Variants in MTERF3 observed in about 807,000 individuals in gnomAD.
MTERF3 encodes transcription termination factor 3, mitochondrial.
MTERF3 carries 40 observed loss-of-function variants against 40.5 expected under a neutral mutation model. The ratio of observed to expected loss-of-function variants is 0.99; its 90% CI spans 0.77 to 1.29. MTERF3 has a LOEUF of 1.29. Ranked by LOEUF, MTERF3 falls within the 50% of genes most tolerant of loss-of-function variation. The probability of loss-of-function intolerance (pLI) is 0.00; values close to 1 mark genes in which losing one functional copy is unlikely to be tolerated. For synonymous variants in MTERF3, 158 were observed against 166.6 expected, an observed-to-expected ratio of 0.95 and a Z score of 0.40; for missense variants, 452 against 478.2, an observed-to-expected ratio of 0.95 and a Z score of 0.51.
intron 2 of MTERF3, 82 bp from the exon 3 acceptor site, chr8:96,257,196 C>T (rs1586173384): frequency 7.3e-7 from 1 of 1,378,856 alleles, no homozygotes; most frequent in Non-Finnish European, 9.7e-7. Flanking sequence ...CCCTTGTTTG[C>T]TTCTTTCAGT....
At chr8:96,245,107 A>T (rs1347168631) in intron 6 of MTERF3, among the ~76,000 whole-genome samples, 1 of 152,070 alleles carries the variant, frequency 6.6e-6, no homozygotes, top group African/African-American at 2.4e-5. Flanking sequence ...GCCCCCACCA[A>T]GTAACTGCCC....
At chr8:96,255,431 G>C (rs891304414) in intron 3 of MTERF3, among the ~76,000 whole-genome samples, 1 of 152,158 alleles carries the variant, frequency 6.6e-6, no homozygotes, top group Non-Finnish European at 1.5e-5. Flanking sequence ...TTGAGGCCAA[G>C]AGTTCAAGAT....
chr8:96,246,019 T>A, intron 5 of MTERF3, 88 bp from the exon 6 acceptor site: 1 of 1,220,536 alleles, frequency 8.2e-7, no homozygotes, highest in Non-Finnish European at 1.2e-6. Context: ...GATACAAAGT[T>A]AAAACTTAAA....
At chr8:96,250,852 A>G in intron 4 of MTERF3, 54 bp downstream of exon 4, 1 of 1,503,420 alleles carries the variant, frequency 6.7e-7, no homozygotes, top group Non-Finnish European at 9.0e-7. Context: ...TTCCACATAT[A>G]TTTCCTTCAT....
intron 4 of MTERF3, 28 bp downstream of exon 4, chr8:96,250,878 T>C: frequency 6.3e-7 from 1 of 1,577,272 alleles, no homozygotes; most frequent in Non-Finnish European, 8.6e-7. Flanking sequence ...CTTCTTAGGT[T>C]ATATGAGAAT....
At chr8:96,245,001 T>C (rs374272708) in intron 6 of MTERF3, among the ~76,000 whole-genome samples, 3 of 152,148 alleles carry the variant, frequency 2.0e-5, no homozygotes, top group African/African-American at 7.2e-5. Context: ...ATATGTGTTG[T>C]CTGAAAAACG....
At position 96,250,674 on chromosome 8, in the gene MTERF3, GAA is replaced by G. The variant is rs1563549033; in HGVS notation, c.677+230_677+231del. ...AGAAGAAGAAGAAGAAGAAGAAGAA[GAA>G]GAAGAAGGAGGAGGAGGAGGGGGGG... is the stretch of plus-strand genomic sequence containing the variant. On this transcript the variant is annotated intron_variant, in intron 4 of 7. Coordinates refer to ENST00000287025, the MANE Select transcript of MTERF3 (RefSeq NM_015942.5). Among the ~76,000 whole-genome samples the G allele has an allele frequency of 7.6e-4, 36 of 47,120 alleles. 5 individuals carry two copies. Among genetic ancestry groups the G allele is most frequent in the South Asian group, 2.1e-3 (2 of 964 alleles). 30.9% of individuals were successfully genotyped at this position (47,120 alleles called of 152,430 possible).
In MTERF3 at chr8:96,258,714, A is replaced by C; in HGVS notation, c.-10-14T>G. 14 of 1,516,304 alleles carry C rather than the reference A, an allele frequency of 9.2e-6. No homozygotes were observed. The highest frequency in any genetic ancestry group is 1.2e-5 in the Non-Finnish European group (14 of 1,120,870). 93.9% of individuals were successfully genotyped at this position (1,516,304 alleles called of 1,614,324 possible). A position where few individuals can be genotyped will look rare whatever the true frequency, so the allele number is the denominator to read the frequency against. On this transcript the variant is annotated splice_polypyrimidine_tract_variant and intron_variant, in intron 1 of 7. Coordinates refer to ENST00000287025, the MANE Select transcript of MTERF3 (RefSeq NM_015942.5). Reference sequence around the variant, plus strand: ...ATTTTTCTTAGTCTACAAAGGAAAGATATAACCGTCAAAAGAAGAGAAATT... The same window carrying C: ...ATTTTTCTTAGTCTACAAAGGAAAGCTATAACCGTCAAAAGAAGAGAAATT...
At chr8:96,259,089 G>A (rs1050556189) in intron 1 of MTERF3, among the ~76,000 whole-genome samples, 4 of 152,216 alleles carry the variant, frequency 2.6e-5, no homozygotes, top group Non-Finnish European at 5.9e-5. Context: ...AAGTGTTCTT[G>A]AAATTTGGTG....
intron 2 of MTERF3, 198 bp downstream of exon 2, chr8:96,258,159 C>A: frequency 2.5e-6 from 2 of 791,560 alleles, no homozygotes; most frequent in Non-Finnish European, 3.1e-6. Flanking sequence ...ATAAAATAAT[C>A]TTACACGTTA....
At chr8:96,257,329 T>C (rs1451923298) in intron 2 of MTERF3, 1 of 387,662 alleles carries the variant, frequency 2.6e-6, no homozygotes, top group Non-Finnish European at 4.5e-6. Flanking sequence ...AGAAATTTGT[T>C]GGTAAATTTC....
chr8:96,241,977 C>A (rs1442103466), intron 7 of MTERF3, among the ~76,000 whole-genome samples: 1 of 152,136 alleles, frequency 6.6e-6, no homozygotes, highest in Non-Finnish European at 1.5e-5. Context: ...AAGATCTCTT[C>A]TTTGAAATGA....
chr8:96,241,493 C>T (rs1029742939), intron 7 of MTERF3, among the ~76,000 whole-genome samples: 1 of 152,020 alleles, frequency 6.6e-6, no homozygotes, highest in East Asian at 1.9e-4. Flanking sequence ...TGCTCCTAAA[C>T]GATTACTAAT....
Position 96,251,101 on chromosome 8 carries a change from A to G in MTERF3, c.488-6T>C. ...TATCTTGGACAAATCCACGCCTATA[A>G]TAAATTATAAATACTGTTTGAAGAT... On this transcript the variant is annotated splice_region_variant and splice_polypyrimidine_tract_variant and intron_variant, in intron 3 of 7. Coordinates refer to ENST00000287025, the MANE Select transcript of MTERF3 (RefSeq NM_015942.5). 6.4e-7 allele frequency: 1 copy of G among 1,563,978 alleles called. No individual in the cohort carries two copies. Among genetic ancestry groups the G allele is most frequent in the Non-Finnish European group, 8.6e-7 (1 of 1,165,378 alleles).
chr8:96,247,869 A>G (rs149259209), intron 4 of MTERF3, among the ~76,000 whole-genome samples: 107 of 152,342 alleles, frequency 7.0e-4, no homozygotes, highest in African/African-American at 2.4e-3. Flanking sequence ...TTCTTCATAT[A>G]TAAAAGAACG....
intron 3 of MTERF3, among the ~76,000 whole-genome samples, chr8:96,255,993 T>A (rs906963715): frequency 2.6e-5 from 4 of 152,078 alleles, no homozygotes; most frequent in South Asian, 2.1e-4. Flanking sequence ...GACTAAAAAC[T>A]GGGGTATTGG....
At chr8:96,250,617 G>GAA (rs1161526697) in intron 4 of MTERF3, among the ~76,000 whole-genome samples, 2 of 8,896 alleles carry the variant, frequency 2.2e-4, no homozygotes, top group Non-Finnish European at 4.1e-4. Flanking sequence ...GGCTGAGGCA[G>GAA]AAGAAGAAGA....
At chr8:96,243,214 T>A (rs1809959862) in intron 7 of MTERF3, among the ~76,000 whole-genome samples, 1 of 152,158 alleles carries the variant, frequency 6.6e-6, no homozygotes, top group South Asian at 2.1e-4. Context: ...AGTAGAGGGA[T>A]CACTTAAATA....
chr8:96,239,825 G>T, intron 7 of MTERF3, 140 bp from the exon 8 acceptor site: 1 of 712,426 alleles, frequency 1.4e-6, no homozygotes, highest in Non-Finnish European at 2.5e-6. Context: ...AAATGCCAGA[G>T]GATTTAAATC....
Sources: allele counts gnomAD v4.1 joint callset (sites outside exome capture counted in the v4.1 genomes callset), GRCh38; gene constraint gnomAD v4.1.1; transcripts MANE v1.5; gene names NCBI Gene and HGNC (gene_info 2026-07-23, HGNC 2026-07-21).